Variants in TYW1 observed in about 807,000 individuals in gnomAD.
TYW1 encodes S-adenosyl-L-methionine-dependent tRNA 4-demethylwyosine synthase TYW1.
In TYW1, 46 loss-of-function variants were observed where a neutral mutation model predicts 96.2. That is an observed-to-expected ratio of 0.48 (90% CI 0.38 to 0.61). The LOEUF is 0.61. Ranked by LOEUF, TYW1 falls within the 20% of genes least tolerant of loss-of-function variation. The pLI, the probability that TYW1 is intolerant of heterozygous loss-of-function variation, is 0.00. For synonymous variants in TYW1, 274 were observed against 323.0 expected, an observed-to-expected ratio of 0.85 and a Z score of 1.63; for missense variants, 684 against 909.6, an observed-to-expected ratio of 0.75 and a Z score of 3.19.
intron 13 of TYW1, among the ~76,000 whole-genome samples, chr7:67,136,909 G>T (rs1259673332): frequency 2.6e-5 from 4 of 151,856 alleles, no homozygotes; most frequent in Non-Finnish European, 5.9e-5. Context: ...CGCAACCTCT[G>T]CCTCCTGGGT....
At chr7:67,182,060 C>A (rs1799859113) in intron 13 of TYW1, among the ~76,000 whole-genome samples, 1 of 152,144 alleles carries the variant, frequency 6.6e-6, no homozygotes, top group Admixed American at 6.5e-5. Flanking sequence ...AACTCCTTAC[C>A]TCAGGTGATC....
intron 6 of TYW1, among the ~76,000 whole-genome samples, chr7:67,019,991 GTTTC>G (rs1794187071): frequency 6.6e-6 from 1 of 152,266 alleles, no homozygotes; most frequent in African/African-American, 2.4e-5. Context: ...TATGACAGAT[GTTTC>G]ATTCCAATTT....
At chr7:67,070,400 A>G (rs1584523391) in intron 10 of TYW1, among the ~76,000 whole-genome samples, 1 of 149,408 alleles carries the variant, frequency 6.7e-6, no homozygotes, top group Non-Finnish European at 1.5e-5. Flanking sequence ...AGCTCTTTTC[A>G]ATTTGATGGT....
chr7:67,187,355 C>T (rs1037693723), intron 14 of TYW1, among the ~76,000 whole-genome samples: 7 of 151,944 alleles, frequency 4.6e-5, no homozygotes, highest in Non-Finnish European at 1.0e-4. Context: ...TGAGCCACCA[C>T]GCCTGGCTTA....
In TYW1 at chr7:67,067,281, A is replaced by G. The variant is rs202128968; in HGVS notation, c.1156-4A>G. ...TCAAATTGTGATTTGTTTACTTGTC[A>G]TAGTCCATGCTCCGAGGGAGAGGAG... On this transcript the variant is annotated splice_region_variant and splice_polypyrimidine_tract_variant and intron_variant, in intron 9 of 15. Coordinates refer to ENST00000359626, the MANE Select transcript of TYW1 (RefSeq NM_018264.4). 3 of 1,613,792 alleles carry G rather than the reference A, an allele frequency of 1.9e-6. No individual in the cohort carries two copies. The highest frequency in any genetic ancestry group is 2.7e-5 in the African/African-American group (2 of 74,926).
chr7:67,207,204 C>T (rs745758772), intron 15 of TYW1, among the ~76,000 whole-genome samples: 29 of 152,166 alleles, frequency 1.9e-4, no homozygotes, highest in Non-Finnish European at 3.8e-4. Context: ...ACACCAGGAC[C>T]GTTACTCCCA....
chr7:67,126,622 CTTAGAG>C (rs1261375751), intron 13 of TYW1, among the ~76,000 whole-genome samples: 5 of 152,146 alleles, frequency 3.3e-5, no homozygotes, highest in Admixed American at 2.6e-4. Context: ...TTGTAATCCA[CTTAGAG>C]TTAATTTTTG....
At chr7:67,079,162 C>T (rs1437001127) in intron 10 of TYW1, among the ~76,000 whole-genome samples, 2 of 87,458 alleles carry the variant, frequency 2.3e-5, no homozygotes, top group Non-Finnish European at 4.5e-5. Context: ...GAAAAGTATT[C>T]GTGTGAGAGG....
chr7:67,198,908 T>A (rs113171653), intron 15 of TYW1, among the ~76,000 whole-genome samples: 9,692 of 152,238 alleles, frequency 0.064, 420 homozygotes, highest in South Asian at 0.11. Flanking sequence ...AATAGAAATG[T>A]TTCTTGGTGA....
intron 11 of TYW1, among the ~76,000 whole-genome samples, chr7:67,096,128 G>T (rs1028611042): frequency 1.3e-5 from 2 of 152,152 alleles, no homozygotes; most frequent in Non-Finnish European, 1.5e-5. Context: ...GGTGGCTCAC[G>T]CCTGTAATCC....
At chr7:67,040,497 T>TTATC (rs1794983907) in intron 7 of TYW1, among the ~76,000 whole-genome samples, 1 of 151,992 alleles carries the variant, frequency 6.6e-6, no homozygotes. Flanking sequence ...AAATGATGCA[T>TTATC]GTGATAGCTG....
intron 12 of TYW1, among the ~76,000 whole-genome samples, chr7:67,107,179 G>A (rs1302406808): frequency 6.6e-6 from 1 of 152,194 alleles, no homozygotes; most frequent in Non-Finnish European, 1.5e-5. Context: ...AATGGTTCCA[G>A]AAAACAGCTA....
chr7:67,071,890 G>A (rs574554959), intron 10 of TYW1, among the ~76,000 whole-genome samples: 146 of 152,006 alleles, frequency 9.6e-4, no homozygotes, highest in Non-Finnish European at 1.8e-3. Context: ...CCAAAGTGCC[G>A]GGATTACAGA....
intron 14 of TYW1, among the ~76,000 whole-genome samples, chr7:67,186,265 T>TTGC (rs1563061300): frequency 1.5e-5 from 1 of 68,322 alleles, no homozygotes; most frequent in Non-Finnish European, 2.8e-5. Flanking sequence ...CTTCCTTTCT[T>TTGC]CCCCCCCGCC....
intron 13 of TYW1, among the ~76,000 whole-genome samples, chr7:67,132,989 T>C (rs1023860792): frequency 1.2e-4 from 19 of 152,154 alleles, no homozygotes; most frequent in Admixed American, 3.3e-4. Flanking sequence ...GGTTGGAAGT[T>C]GCTGGATCAT....
chr7:67,015,813 A>G (rs1458589911), intron 5 of TYW1, among the ~76,000 whole-genome samples: 1 of 151,990 alleles, frequency 6.6e-6, no homozygotes, highest in African/African-American at 2.4e-5. Context: ...ATACAAAAAA[A>G]TTAGCCAGGT....
chr7:67,091,847 T>C (rs1199611080), intron 11 of TYW1, among the ~76,000 whole-genome samples: 1 of 152,202 alleles, frequency 6.6e-6, no homozygotes, highest in African/African-American at 2.4e-5. Context: ...TTTTTTTGTC[T>C]TGTATTTTGT....
At chr7:67,012,626 G>A (rs2129240550) in intron 4 of TYW1, among the ~76,000 whole-genome samples, 1 of 152,240 alleles carries the variant, frequency 6.6e-6, no homozygotes, top group East Asian at 1.9e-4. Flanking sequence ...CACAGGTTGA[G>A]AATCCCTGAA....
At chr7:67,232,433 G>A (rs907602751) in intron 15 of TYW1, among the ~76,000 whole-genome samples, 4 of 151,132 alleles carry the variant, frequency 2.6e-5, no homozygotes, top group Admixed American at 1.3e-4. Flanking sequence ...CCAGCTACTC[G>A]GGAGGCTGAG....
Sources: allele counts gnomAD v4.1 joint callset (sites outside exome capture counted in the v4.1 genomes callset), GRCh38; gene constraint gnomAD v4.1.1; transcripts MANE v1.5; gene names NCBI Gene and HGNC (gene_info 2026-07-23, HGNC 2026-07-21).